Variants in AKAP19 observed in about 807,000 individuals in gnomAD.
AKAP19 encodes A-kinase anchoring protein 19.
At chr2:190,202,451 A>C in the AKAP19 span, 1 of 165,310 alleles carries the variant, frequency 6.0e-6, no homozygotes. Context: ...AAAGATGAAT[A>C]AATGAATAAG....
chr2:190,109,088 A>G, the AKAP19 span, among the ~76,000 whole-genome samples: 6 of 152,162 alleles, frequency 3.9e-5, no homozygotes, highest in Non-Finnish European at 8.8e-5. Context: ...TCTACCTTTC[A>G]ATTCTCATTG....
chr2:190,202,566 T>C, the AKAP19 span: 1 of 167,076 alleles, frequency 6.0e-6, no homozygotes, highest in South Asian at 2.1e-4. Context: ...CCTTCTTTCA[T>C]ATCTTTATAT....
chr2:190,029,822 G>A, the AKAP19 span, among the ~76,000 whole-genome samples: 1,393 of 152,186 alleles, frequency 9.2e-3, 13 homozygotes, highest in Non-Finnish European at 0.016. Flanking sequence ...AAACACACAC[G>A]TACACACCCA....
chr2:189,961,455 A>AT, the AKAP19 span, among the ~76,000 whole-genome samples: 9 of 152,144 alleles, frequency 5.9e-5, no homozygotes, highest in African/African-American at 1.9e-4. Flanking sequence ...AACAGTTTTT[A>AT]TTTTTTTAAT....
the AKAP19 span, among the ~76,000 whole-genome samples, chr2:190,136,564 C>G: frequency 1.3e-5 from 2 of 152,188 alleles, no homozygotes; most frequent in African/African-American, 2.4e-5. Context: ...TTCCCCTACA[C>G]TTCCTTGTAC....
the AKAP19 span, among the ~76,000 whole-genome samples, chr2:189,922,233 C>T: frequency 6.6e-6 from 1 of 152,128 alleles, no homozygotes; most frequent in African/African-American, 2.4e-5. Flanking sequence ...AGACAAGGAT[C>T]ATATCATTGT....
chr2:189,959,223 A>G, the AKAP19 span, among the ~76,000 whole-genome samples: 3 of 151,188 alleles, frequency 2.0e-5, no homozygotes, highest in Admixed American at 6.6e-5. Context: ...ACTTTCTAAT[A>G]TAATCAAAAA....
At chr2:190,025,089 T>C in the AKAP19 span, among the ~76,000 whole-genome samples, 2 of 152,234 alleles carry the variant, frequency 1.3e-5, no homozygotes, top group Non-Finnish European at 2.9e-5. Context: ...CACTAAGATT[T>C]ACCAGTTTTA....
the AKAP19 span, among the ~76,000 whole-genome samples, chr2:190,176,016 G>A: frequency 1.3e-5 from 2 of 152,180 alleles, no homozygotes; most frequent in African/African-American, 2.4e-5. This position sits in a 1 kb window ranked among gnomAD's most constrained non-coding sequence, Gnocchi z 4.7. Flanking sequence ...TACCAAACCT[G>A]CTTGTGCCAT....
the AKAP19 span, among the ~76,000 whole-genome samples, chr2:190,000,573 C>G: frequency 6.6e-6 from 1 of 152,170 alleles, no homozygotes; most frequent in East Asian, 1.9e-4. Context: ...TATAATGTTT[C>G]TTGGAACTAT....
chr2:189,904,128 G>A, the AKAP19 span, among the ~76,000 whole-genome samples: 1 of 152,030 alleles, frequency 6.6e-6, no homozygotes, highest in Non-Finnish European at 1.5e-5. Flanking sequence ...CTTGAAATAA[G>A]TTTAGTTACA....
the AKAP19 span, among the ~76,000 whole-genome samples, chr2:190,175,319 C>T: frequency 6.6e-6 from 1 of 152,146 alleles, no homozygotes; most frequent in South Asian, 2.1e-4. Flanking sequence ...CCAAACTCAA[C>T]ACAAAAAGGA....
the AKAP19 span, among the ~76,000 whole-genome samples, chr2:189,976,590 G>T: frequency 1.3e-5 from 2 of 152,202 alleles, no homozygotes; most frequent in Non-Finnish European, 2.9e-5. Flanking sequence ...GTCTACAGAG[G>T]CAGGCAGGCC....
the AKAP19 span, among the ~76,000 whole-genome samples, chr2:190,177,702 G>A: frequency 1.3e-5 from 2 of 152,306 alleles, no homozygotes; most frequent in South Asian, 2.1e-4. This position sits in a 1 kb window ranked among gnomAD's most constrained non-coding sequence, Gnocchi z 4.6. Context: ...TCTGTCTGAC[G>A]TGGAAGTTTT....
At chr2:190,160,505 T>A in the AKAP19 span, among the ~76,000 whole-genome samples, 2 of 152,188 alleles carry the variant, frequency 1.3e-5, no homozygotes, top group African/African-American at 4.8e-5. Context: ...AAATTTATTT[T>A]CTCCCATGAG....
chr2:190,118,117 A>G, the AKAP19 span, among the ~76,000 whole-genome samples: 1 of 152,258 alleles, frequency 6.6e-6, no homozygotes, highest in African/African-American at 2.4e-5. Context: ...GAAAATCTAG[A>G]TGAAATGGAT....
the AKAP19 span, chr2:189,917,580 T>C: frequency 5.9e-4 from 269 of 455,576 alleles, 2 homozygotes; most frequent in African/African-American, 5.1e-3. Context: ...GTCTTATTGC[T>C]GGGCTCCACA....
chr2:190,167,417 C>T, the AKAP19 span, among the ~76,000 whole-genome samples: 1 of 152,180 alleles, frequency 6.6e-6, no homozygotes, highest in African/African-American at 2.4e-5. Flanking sequence ...TCTGCCCCGG[C>T]CCCTCCAAAA....
chr2:190,039,048 C>T, the AKAP19 span, among the ~76,000 whole-genome samples: 2 of 142,770 alleles, frequency 1.4e-5, no homozygotes, highest in Non-Finnish European at 3.0e-5. Flanking sequence ...TCCTCTTCTT[C>T]CTCTTCTTCC....
Sources: gnomAD v4.1 joint callset for allele counts (sites outside exome capture counted in the v4.1 genomes callset) on GRCh38, gnomAD v4.1.1 for gene constraint, Gnocchi (gnomAD v3.1) non-coding constraint, MANE v1.5 for transcripts, NCBI Gene and HGNC (gene_info 2026-07-23, HGNC 2026-07-21) for gene names.